The following SCAMP1 variants were observed in gnomAD, a reference collection of about 807,000 sequenced individuals.
SCAMP1 encodes secretory carrier-associated membrane protein 1.
Under a neutral mutation model 41.8 loss-of-function variants are expected in SCAMP1, and 15 were observed. The observed-to-expected ratio is 0.36, with a 90% CI of 0.24 to 0.55. SCAMP1 has a LOEUF of 0.55. Among genes scored for constraint, SCAMP1 ranks in the 20% least tolerant of loss-of-function variants. The probability of loss-of-function intolerance (pLI) is 0.86; values close to 1 mark genes in which losing one functional copy is unlikely to be tolerated. For synonymous variants in SCAMP1, 135 were observed against 136.8 expected (o/e 0.99, Z 0.09); for missense variants, 341 against 412.6 (o/e 0.83, Z 1.50).
intron 6 of SCAMP1, among the ~76,000 whole-genome samples, chr5:78,440,065 T>G (rs1277994027): frequency 6.6e-6 from 1 of 152,202 alleles, no homozygotes; most frequent in African/African-American, 2.4e-5. Context: ...CAGGTCCTTT[T>G]AAGGTCTTCT....
At chr5:78,466,291 GC>G (rs1561289508) in intron 8 of SCAMP1, among the ~76,000 whole-genome samples, 1 of 152,174 alleles carries the variant, frequency 6.6e-6, no homozygotes, top group African/African-American at 2.4e-5. Flanking sequence ...AAATTGGTGG[GC>G]CCCCCAATTC....
At chr5:78,449,125 C>T (rs1420088578) in intron 6 of SCAMP1, among the ~76,000 whole-genome samples, 1 of 151,636 alleles carries the variant, frequency 6.6e-6, no homozygotes, top group East Asian at 1.9e-4. Context: ...AGGTATTTAC[C>T]TAAGAGAAAA....
At chr5:78,385,509 TTCTC>T (rs1751319317) in intron 1 of SCAMP1, among the ~76,000 whole-genome samples, 1 of 152,172 alleles carries the variant, frequency 6.6e-6, no homozygotes, top group Non-Finnish European at 1.5e-5. Context: ...TTGTTCTTGT[TTCTC>T]TAGTTCCTTG....
rs575422351 is a variant in SCAMP1 at position 78,391,503 on chromosome 5, G to A, written c.135+2589G>A. Among the ~76,000 whole-genome samples the A allele has an allele frequency of 3.2e-3, 486 of 150,728 alleles. 4 individuals are homozygous for A. The highest frequency in any genetic ancestry group is 0.011 in the African/African-American group (456 of 40,976). On this transcript the variant is annotated intron_variant, in intron 2 of 8. Transcript: ENST00000621999. ...GATGGGGTGGCTGCAGGGCGGAGAC[G>A]CTCCTCACTTCCCAGACGGGGTGGC...
At chr5:78,389,406 T>C (rs1184335919) in intron 2 of SCAMP1, among the ~76,000 whole-genome samples, 1 of 152,120 alleles carries the variant, frequency 6.6e-6, no homozygotes, top group African/African-American at 2.4e-5. Context: ...AGCATATTTT[T>C]CCCCTCAAAA....
At position 78,460,592 on chromosome 5, in the gene SCAMP1, G is replaced by GTTGT. The variant is rs1554047010; in HGVS notation, c.852+1232_852+1233insGTTT. ...TATCCTTTGCCTACTTTTTAATGGG[G>GTTGT]TTTTTTTTTTCTTGTTGATTTGTTT... On this transcript the variant is annotated intron_variant, in intron 8 of 8. Transcript: ENST00000621999. Among the ~76,000 whole-genome samples the GTTGT allele has an allele frequency of 3.4e-5, 3 of 88,772 alleles. No individual in the cohort carries two copies. In the South Asian group the frequency reaches 1.2e-3, roughly 37 times the overall value. 58.2% of individuals were successfully genotyped at this position (88,772 alleles called of 152,430 possible). A position where few individuals can be genotyped will look rare whatever the true frequency, so the allele number is the denominator to read the frequency against.
rs781191155 is a variant in SCAMP1, at chr5:78,366,144, C to CTTTTT, written c.57+5420_57+5421insTTTTT. 1.5e-4 allele frequency among the ~76,000 whole-genome samples: 21 copies of CTTTTT among 135,648 alleles called. 4 individuals carry two copies. The highest frequency in any genetic ancestry group is 2.3e-4 in the Admixed American group (3 of 13,166). 89.0% of individuals were successfully genotyped at this position (135,648 alleles called of 152,430 possible). A position where few individuals can be genotyped will look rare whatever the true frequency, so the allele number is the denominator to read the frequency against. On this transcript the variant is annotated intron_variant, in intron 1 of 8. Coordinates refer to ENST00000621999, the MANE Select transcript of SCAMP1 (RefSeq NM_004866.6). ...CAGCTCTTTGGGGCCCTTTTCTTTT[C>CTTTTT]TTTTCTTTTTTTTTTTTGAGACGGA...
At chr5:78,411,105 ATAGT>A (rs1561265052) in intron 2 of SCAMP1, among the ~76,000 whole-genome samples, 1 of 151,988 alleles carries the variant, frequency 6.6e-6, no homozygotes, top group African/African-American at 2.4e-5. Flanking sequence ...CACTCTGCTG[ATAGT>A]TTGTTTTGCT....
At position 78,469,912 on chromosome 5, in the gene SCAMP1, ACAAAAAAAAAAAAAAAAAAACAAC is replaced by A. The variant is rs1435943234; in HGVS notation, c.853-5591_853-5568del. On this transcript the variant is annotated intron_variant, in intron 8 of 8. Transcript: ENST00000621999. The stretch of plus-strand genomic sequence containing the variant: ...CATTAAAAAAAAAAAAAAAAAAAAA[ACAAAAAAAAAAAAAAAAAAACAAC>A]AACACAGCCCAGGCATGGTGGTGTG... 1.9e-3 allele frequency among the ~76,000 whole-genome samples: 174 copies of A among 92,622 alleles called. 6 individuals carry two copies. Among genetic ancestry groups the A allele is most frequent in the African/African-American group, 6.8e-3 (156 of 22,968 alleles). 60.8% of individuals were successfully genotyped at this position (92,622 alleles called of 152,430 possible).
At chr5:78,393,893 T>C (rs1022862376) in intron 2 of SCAMP1, among the ~76,000 whole-genome samples, 4 of 152,162 alleles carry the variant, frequency 2.6e-5, no homozygotes, top group Non-Finnish European at 4.4e-5. Context: ...TTTGTGGCTT[T>C]AGACAGAATT....
At chr5:78,423,392 T>G (rs11950060) in intron 6 of SCAMP1, among the ~76,000 whole-genome samples, 69,489 of 152,050 alleles carry the variant, frequency 0.46, 16,678 homozygotes, top group Non-Finnish European at 0.51. Context: ...TTCTTCGTTA[T>G]CTAAGCATGG....
intron 1 of SCAMP1, among the ~76,000 whole-genome samples, chr5:78,387,358 G>A (rs950886512): frequency 1.1e-5 from 1 of 94,922 alleles, no homozygotes; most frequent in Non-Finnish European, 2.1e-5. Flanking sequence ...TTCATATCCT[G>A]TATCTTTTTT....
chr5:78,362,674 C>G (rs987853879), intron 1 of SCAMP1, among the ~76,000 whole-genome samples: 2 of 152,128 alleles, frequency 1.3e-5, no homozygotes, highest in African/African-American at 4.8e-5. Context: ...TTTTTGGTGA[C>G]TGTTATAGCA....
chr5:78,391,102 T>C (rs1751481823), intron 2 of SCAMP1, among the ~76,000 whole-genome samples: 1 of 47,184 alleles, frequency 2.1e-5, no homozygotes, highest in Non-Finnish European at 5.8e-5. Context: ...TTTCCCCACC[T>C]TTCCCCCCTT....
rs570018152 is a variant in SCAMP1, at chr5:78,474,919, A to G, written c.853-585A>G. On this transcript the variant is annotated intron_variant, in intron 8 of 8. Transcript: ENST00000621999. ...AGTGATTAATCAGTATGGAGAAACA[A>G]TTCCCAGAAGTGTTTCTTTGTGCAT... Among the ~76,000 whole-genome samples the G allele has an allele frequency of 6.0e-4, 92 of 152,198 alleles. 1 individual carries two copies. The highest frequency in any genetic ancestry group is 1.8e-3 in the Admixed American group (28 of 15,282).
intron 6 of SCAMP1, among the ~76,000 whole-genome samples, chr5:78,428,435 G>T (rs1171369291): frequency 6.6e-6 from 1 of 152,124 alleles, no homozygotes; most frequent in African/African-American, 2.4e-5. Flanking sequence ...CCATTGACCA[G>T]TGATGTAGGA....
intron 1 of SCAMP1, among the ~76,000 whole-genome samples, chr5:78,381,537 A>T (rs1193953348): frequency 6.6e-6 from 1 of 152,202 alleles, no homozygotes; most frequent in African/African-American, 2.4e-5. Flanking sequence ...TTAAAATGAC[A>T]TCTTTCTATT....
chr5:78,370,571 T>C (rs1750917664), intron 1 of SCAMP1: 1 of 152,260 alleles, frequency 6.6e-6, no homozygotes, highest in African/African-American at 2.4e-5. Flanking sequence ...TAATGTTTCT[T>C]TATCCATTGC....
intron 1 of SCAMP1, among the ~76,000 whole-genome samples, chr5:78,361,400 C>T (rs1374261115): frequency 6.6e-6 from 1 of 152,158 alleles, no homozygotes; most frequent in Non-Finnish European, 1.5e-5. Context: ...ACGTGGACGA[C>T]CTCTTCCCTA....
Sources: gnomAD v4.1 joint callset for allele counts (sites outside exome capture counted in the v4.1 genomes callset) on GRCh38, gnomAD v4.1.1 for gene constraint, MANE v1.5 for transcripts, NCBI Gene and HGNC (gene_info 2026-07-23, HGNC 2026-07-21) for gene names.